CC2D2A: variants seen among roughly 807,000 people sequenced by gnomAD.
CC2D2A encodes coiled-coil and C2 domain-containing protein 2A.
A neutral mutation model predicts 212.9 loss-of-function variants in CC2D2A; 155 were observed. The observed-to-expected ratio is 0.73, with a 90% CI of 0.64 to 0.83. The LOEUF is 0.83. Among genes scored for constraint, CC2D2A ranks in the 40% least tolerant of loss-of-function variants. The pLI is 0.00. For synonymous variants in CC2D2A, 667 were observed against 686.5 expected (o/e 0.97, Z 0.44); for missense variants, 1,856 against 1,956.2 (o/e 0.95, Z 0.97).
intron 13 of CC2D2A, 38 bp downstream of exon 13, chr4:15,528,764 C>T (rs373711449): frequency 7.1e-6 from 10 of 1,412,614 alleles, no homozygotes; most frequent in Admixed American, 3.7e-5. Flanking sequence ...CTTTTTTTCC[C>T]GTTAGATGTG....
In CC2D2A at chr4:15,569,126, T is replaced by C. The variant is rs974962310; in HGVS notation, c.3399-167T>C. ...ATGTAATGCTCTGTCCATTTGAATA[T>C]AGGTATTATAGTATCCCTGTACAAG... is the stretch of plus-strand genomic sequence containing the variant. On this transcript the variant is annotated intron_variant, in intron 26 of 36. Coordinates refer to ENST00000424120, the MANE Select transcript of CC2D2A (RefSeq NM_001378615.1). Among the ~76,000 whole-genome samples, 6 of 152,228 alleles carry C rather than the reference T, an allele frequency of 3.9e-5. 1 individual carries two copies. Among genetic ancestry groups the C allele is most frequent in the Admixed American group, 3.9e-4 (6 of 15,284 alleles).
intron 23 of CC2D2A, among the ~76,000 whole-genome samples, chr4:15,562,084 T>C (rs997677676): frequency 5.3e-5 from 8 of 152,220 alleles, no homozygotes; most frequent in Non-Finnish European, 1.2e-4. Flanking sequence ...GTGTAAAACC[T>C]TGGAGAATAA....
chr4:15,561,173 G>A, intron 23 of CC2D2A, among the ~76,000 whole-genome samples: 1 of 152,220 alleles, frequency 6.6e-6, no homozygotes, highest in East Asian at 1.9e-4. Context: ...GTATTTGCTT[G>A]ATTGACTCAT....
chr4:15,542,860 A>G (rs1196924889), intron 17 of CC2D2A, among the ~76,000 whole-genome samples: 2 of 152,198 alleles, frequency 1.3e-5, no homozygotes, highest in Non-Finnish European at 2.9e-5. Context: ...CAGCATTTTG[A>G]ATATCAAGCC....
In CC2D2A at chr4:15,527,260, T is replaced by G. The variant is rs534356792; in HGVS notation, c.1150-187T>G. On this transcript the variant is annotated intron_variant, in intron 11 of 36. Transcript: ENST00000424120. ...TTTTCTAACTCCCAGTCTTTCATTT[T>G]GCTGTTCAAATATTCAAAAAAGAGC... Among the ~76,000 whole-genome samples the G allele has an allele frequency of 1.1e-4, 17 of 152,350 alleles. No individual in the cohort carries two copies. The South Asian group carries it at 3.1e-3, about 28-fold the overall frequency.
At chr4:15,569,091 A>G (rs576730190) in intron 26 of CC2D2A, among the ~76,000 whole-genome samples, 22 of 152,320 alleles carry the variant, frequency 1.4e-4, no homozygotes, top group Non-Finnish European at 2.1e-4. Flanking sequence ...GTCTCTGCAT[A>G]GAGTCTCTAA....
chr4:15,563,380 C>T lies in CC2D2A; in HGVS notation c.3040C>T (p.Leu1014=). Residue 1014 remains leucine, a synonymous_variant, in exon 24 of 37, where the codon CTG becomes TTG. Coordinates refer to ENST00000424120, the MANE Select transcript of CC2D2A (RefSeq NM_001378615.1). ...ISILGLSLFK[L]AEQKRPLRPR... Reference sequence around the variant, plus strand: ...CATTTTGGGCCTAAGCCTTTTCAAGCTGGCAGAACAAAAGCGACCACTGCG... The same window carrying T: ...CATTTTGGGCCTAAGCCTTTTCAAGTTGGCAGAACAAAAGCGACCACTGCG... 2 of 1,605,878 alleles carry T rather than the reference C, an allele frequency of 1.2e-6. No homozygotes were observed. Among genetic ancestry groups the T allele is most frequent in the South Asian group, 1.1e-5 (1 of 89,512 alleles).
intron 33 of CC2D2A, among the ~76,000 whole-genome samples, chr4:15,593,472 C>T (rs1031801789): frequency 1.3e-5 from 2 of 152,186 alleles, no homozygotes; most frequent in Non-Finnish European, 2.9e-5. Flanking sequence ...CACATATATG[C>T]CGATGATTCC....
In CC2D2A at chr4:15,601,244, G is replaced by C. The variant is rs758218918; in HGVS notation, c.4682G>C (p.Gly1561Ala). Residue 1561 changes from glycine (G) to alanine (A), a missense_variant, in exon 37 of 37, where the codon GGA (glycine) becomes GCA (alanine). Gly to Ala is a moderately conservative substitution (Grantham distance 60, BLOSUM62 0). Coordinates refer to ENST00000424120, the MANE Select transcript of CC2D2A (RefSeq NM_001378615.1). ...AATGTTTTTTCCCTTCAGTTCTCTG[G>C]ATTTCCTCTTCACATGCCTTATTCT... Reference protein sequence around the residue: ...LKQLGDYRFSGFPLHMPYSEV... With the variant: ...LKQLGDYRFSAFPLHMPYSEV... 4 of 1,612,066 alleles carry C rather than the reference G, an allele frequency of 2.5e-6. No homozygotes were observed. The South Asian group carries it at 3.3e-5, about 13-fold the overall frequency.
At chr4:15,549,710 GGA>G (rs1463083556) in intron 17 of CC2D2A, among the ~76,000 whole-genome samples, 2 of 152,144 alleles carry the variant, frequency 1.3e-5, no homozygotes, top group Non-Finnish European at 2.9e-5. Context: ...GGCTGGGGCA[GGA>G]GAATCGCTTG....
In CC2D2A at chr4:15,494,764, AT is replaced by A. The variant is rs1007451277; in HGVS notation, c.248-7657del. 3.2e-3 allele frequency among the ~76,000 whole-genome samples: 489 copies of A among 152,092 alleles called. 2 individuals carry two copies. Among genetic ancestry groups the A allele is most frequent in the African/African-American group, 0.011 (455 of 41,518 alleles). On this transcript the variant is annotated intron_variant, in intron 4 of 36. Transcript: ENST00000424120. Reference sequence around the variant, plus strand: ...TTGCATCAGACTGTCCACTAATTACATTTTTTTTAATCCTCAAAATTTGAAA... The same window carrying A: ...TTGCATCAGACTGTCCACTAATTACATTTTTTTAATCCTCAAAATTTGAAA...
At position 15,601,222 on chromosome 4, in the gene CC2D2A, GT is replaced by G; in HGVS notation, c.4675-9del. Reference sequence around the variant, plus strand: ...TCAAACTTCACTAATGACTACAAATGTTTTTTCCCTTCAGTTCTCTGGATTT... The same window carrying G: ...TCAAACTTCACTAATGACTACAAATGTTTTTCCCTTCAGTTCTCTGGATTT... On this transcript the variant is annotated splice_polypyrimidine_tract_variant and intron_variant, in intron 36 of 36. Coordinates refer to ENST00000424120, the MANE Select transcript of CC2D2A (RefSeq NM_001378615.1). The G allele has an allele frequency of 6.2e-7, 1 of 1,603,172 alleles. No individual in the cohort carries two copies. The highest frequency in any genetic ancestry group is 1.1e-5 in the South Asian group (1 of 90,166).
At position 15,527,429 on chromosome 4, in the gene CC2D2A, C is replaced by T; in HGVS notation, c.1150-18C>T. On this transcript the variant is annotated intron_variant, in intron 11 of 36. Transcript: ENST00000424120. ...GTGCTTTAACTGTGTTCTGTCTACACTCTGCTTTCCTTGGCAGGCTGTAAA... is the reference window on the plus strand; with the variant it reads ...GTGCTTTAACTGTGTTCTGTCTACATTCTGCTTTCCTTGGCAGGCTGTAAA... 2 of 1,593,742 alleles carry T rather than the reference C, an allele frequency of 1.3e-6. No homozygotes were observed. The highest frequency in any genetic ancestry group is 1.7e-6 in the Non-Finnish European group (2 of 1,164,432).
At chr4:15,574,395 C>G in intron 29 of CC2D2A, 69 bp downstream of exon 29, 3 of 1,199,562 alleles carry the variant, frequency 2.5e-6, no homozygotes, top group Non-Finnish European at 3.4e-6. Flanking sequence ...CTAGGCTATA[C>G]TTTTATGAAC....
At chr4:15,529,546 C>A (rs1415154082) in intron 13 of CC2D2A, among the ~76,000 whole-genome samples, 1 of 152,128 alleles carries the variant, frequency 6.6e-6, no homozygotes, top group Non-Finnish European at 1.5e-5. Context: ...TACCATTCTG[C>A]AACTTGCTTC....
chr4:15,541,800 A>G (rs1718466266), intron 17 of CC2D2A, among the ~76,000 whole-genome samples: 1 of 152,152 alleles, frequency 6.6e-6, no homozygotes, highest in Non-Finnish European at 1.5e-5. Context: ...TATTTATTTG[A>G]GTCTATTTTA....
chr4:15,539,769 T>C (rs1330351129), intron 16 of CC2D2A, among the ~76,000 whole-genome samples: 2 of 152,236 alleles, frequency 1.3e-5, no homozygotes, highest in African/African-American at 4.8e-5. Flanking sequence ...AATTTGGGCT[T>C]GATTTGGTAA....
intron 4 of CC2D2A, chr4:15,482,029 G>T: frequency 3.0e-6 from 3 of 985,402 alleles, no homozygotes; most frequent in East Asian, 1.1e-4. Context: ...CCACCCTTCA[G>T]GCATTGCTTT....
intron 17 of CC2D2A, among the ~76,000 whole-genome samples, chr4:15,542,119 G>T (rs1046576801): frequency 2.6e-5 from 4 of 151,896 alleles, no homozygotes; most frequent in Non-Finnish European, 5.9e-5. Context: ...TGGATTTAGG[G>T]CCCACCCTAA....
Sources: gnomAD v4.1 joint callset for allele counts (sites outside exome capture counted in the v4.1 genomes callset) on GRCh38, gnomAD v4.1.1 for gene constraint, MANE v1.5 for transcripts, NCBI Gene and HGNC (gene_info 2026-07-23, HGNC 2026-07-21) for gene names.